The following PKHD1L1 variants were observed in gnomAD, a reference collection of about 807,000 sequenced individuals.
The protein encoded by PKHD1L1 is fibrocystin-L.
Under a neutral mutation model 462.9 loss-of-function variants are expected in PKHD1L1, and 434 were observed. The ratio of observed to expected loss-of-function variants is 0.94; its 90% CI spans 0.87 to 1.02. The LOEUF is 1.02. Among genes scored for constraint, PKHD1L1 ranks in the 50% least tolerant of loss-of-function variants. The probability of loss-of-function intolerance (pLI) is 0.00; values close to 1 mark genes in which losing one functional copy is unlikely to be tolerated. For missense variants in PKHD1L1, 5,202 were observed against 5,096.1 expected (o/e 1.02, Z -0.63); for synonymous variants, 1,781 against 1,750.0 (o/e 1.02, Z -0.44).
In PKHD1L1 at chr8:109,439,033, G is replaced by T; in HGVS notation, c.3897G>T (p.Leu1299Phe). Residue 1299 changes from leucine (L) to phenylalanine (F), a missense_variant, in exon 32 of 78, where the codon TTG (leucine) becomes TTT (phenylalanine). This residue lies in a region of PKHD1L1 where 4,497 missense variants were observed against 4,336.8 expected (regional missense o/e 1.04). Coordinates refer to ENST00000378402, the MANE Select transcript of PKHD1L1 (RefSeq NM_177531.6). ...ATATTAGATGCCTTTTGCCCAAGTT[G>T]TCTCCTGGAAAACATGATATCTATG... ...FTDIRCLLPK[L>F]SPGKHDIYVE... 5 of 1,613,614 alleles carry T rather than the reference G, an allele frequency of 3.1e-6. No individual in the cohort carries two copies. Among genetic ancestry groups the T allele is most frequent in the Non-Finnish European group, 4.2e-6 (5 of 1,179,658 alleles).
chr8:109,489,231 C>T (rs1818705170), intron 59 of PKHD1L1, among the ~76,000 whole-genome samples: 1 of 151,880 alleles, frequency 6.6e-6, no homozygotes, highest in Non-Finnish European at 1.5e-5. Flanking sequence ...AAATAATATT[C>T]TCTTTTGTTA....
chr8:109,398,845 A>G (rs1018474468), intron 12 of PKHD1L1, among the ~76,000 whole-genome samples: 48 of 152,162 alleles, frequency 3.2e-4, no homozygotes, highest in African/African-American at 1.1e-3. Context: ...AATTATGATA[A>G]CTAAAACTTG....
At chr8:109,418,846 C>T (rs2130637176) in intron 21 of PKHD1L1, among the ~76,000 whole-genome samples, 1 of 152,274 alleles carries the variant, frequency 6.6e-6, no homozygotes, top group East Asian at 1.9e-4. Context: ...ATTTTACATT[C>T]CTATGGCTAC....
At chr8:109,417,072 G>A (rs1276652285) in intron 21 of PKHD1L1, among the ~76,000 whole-genome samples, 1 of 152,108 alleles carries the variant, frequency 6.6e-6, no homozygotes, top group Non-Finnish European at 1.5e-5. Context: ...TGGCTGAAGG[G>A]ATGTGGGGAT....
chr8:109,390,430 G>A, intron 8 of PKHD1L1, 22 bp from the exon 9 acceptor site: 1 of 1,345,626 alleles, frequency 7.4e-7, no homozygotes, highest in South Asian at 1.6e-5. Context: ...TTAATTGATT[G>A]TGTATTTTCA....
In PKHD1L1 at chr8:109,444,729, C is replaced by T; in HGVS notation, c.4860C>T (p.Asp1620=). 7 of 1,613,806 alleles carry T rather than the reference C, an allele frequency of 4.3e-6. No homozygotes were observed. Among genetic ancestry groups the T allele is most frequent in the Non-Finnish European group, 5.9e-6 (7 of 1,179,746 alleles). ...AGGATTCAATTACATGTCATATTGA[C>T]CCTCAAAACTCAATGGATGTTGGTA... The part of the protein sequence containing the change: ...SSEDSITCHI[D]PQNSMDVGIR... The change falls in exon 38 of 78, where the codon GAC becomes GAT. Residue 1620 remains aspartate (D), a synonymous_variant. Transcript: ENST00000378402.
chr8:109,457,464 G>A lies in PKHD1L1; in HGVS notation c.7004+1073G>A, dbSNP rs548596778. On this transcript the variant is annotated intron_variant, in intron 46 of 77. Transcript: ENST00000378402. ...AGGGCTATTTAGTTTTCAGAAACAAGAATTAAGGAGTTTCCCACCAAATCT... is the reference window on the plus strand; with the variant it reads ...AGGGCTATTTAGTTTTCAGAAACAAAAATTAAGGAGTTTCCCACCAAATCT... Among the ~76,000 whole-genome samples the A allele has an allele frequency of 8.2e-4, 124 of 152,102 alleles. 2 individuals are homozygous for A. Among genetic ancestry groups the A allele is most frequent in the Non-Finnish European group, 1.6e-3 (110 of 68,000 alleles).
At position 109,400,106 on chromosome 8, in the gene PKHD1L1, AT is replaced by A. The variant is rs1366888049; in HGVS notation, c.1044del (p.Asn348LysfsTer27). On this transcript the variant is annotated frameshift_variant, in exon 13 of 78. Transcript: ENST00000378402. LOFTEE classifies it high-confidence loss of function. ...GGRGLKLEVWNNSRPIRLEEI... is the reference protein window; with the variant it reads ...GGRGLKLEVWXNSRPIRLEEI... ...AGAGGCCTGAAGCTTGAGGTGTGGA[AT>A]AATAGCCGTCCAATACGTTTGGAAG... 1 of 1,613,316 alleles carries A rather than the reference AT, an allele frequency of 6.2e-7. No homozygotes were observed. Among genetic ancestry groups the A allele is most frequent in the African/African-American group, 1.3e-5 (1 of 74,886 alleles).
chr8:109,422,460 T>C (rs569975513), intron 23 of PKHD1L1, among the ~76,000 whole-genome samples: 1 of 152,330 alleles, frequency 6.6e-6, no homozygotes, highest in South Asian at 2.1e-4. Flanking sequence ...TGGAATCAGA[T>C]GTCATATAAT....
intron 17 of PKHD1L1, 53 bp from the exon 18 acceptor site, chr8:109,407,996 A>G: frequency 2.3e-6 from 3 of 1,290,944 alleles, no homozygotes; most frequent in South Asian, 2.0e-5. Context: ...AGTTTTATAT[A>G]TAGGCATTTT....
At chr8:109,463,516 G>A (rs763179116) in intron 48 of PKHD1L1, among the ~76,000 whole-genome samples, 9 of 152,062 alleles carry the variant, frequency 5.9e-5, no homozygotes, top group African/African-American at 1.2e-4. Context: ...AGGAAGTAAC[G>A]TTTTATTTCC....
chr8:109,404,097 A>T (rs1419830920), intron 14 of PKHD1L1, among the ~76,000 whole-genome samples: 1 of 152,166 alleles, frequency 6.6e-6, no homozygotes, highest in East Asian at 1.9e-4. Flanking sequence ...ATGGAGCCAA[A>T]TTTAAGGAAT....
chr8:109,425,040 A>G (rs771465805), intron 23 of PKHD1L1, 45 bp from the exon 24 acceptor site: 1 of 1,424,800 alleles, frequency 7.0e-7, no homozygotes, highest in Non-Finnish European at 9.4e-7. Context: ...CATGTAAGCC[A>G]TTGTTAAGTT....
In PKHD1L1 at chr8:109,445,320, A is replaced by T; in HGVS notation, c.5451A>T (p.Gly1817=). The T allele has an allele frequency of 6.2e-7, 1 of 1,613,910 alleles. No homozygotes were observed. Among genetic ancestry groups the T allele is most frequent in the South Asian group, 1.1e-5 (1 of 91,072 alleles). Residue 1817 remains glycine, a synonymous_variant, in exon 38 of 78, where the codon GGA becomes GGT. Coordinates refer to ENST00000378402, the MANE Select transcript of PKHD1L1 (RefSeq NM_177531.6). ...VGHHSVSVVV[G]SKGLALGNLT... ...ATCATTCTGTTAGTGTTGTGGTGGGAAGTAAAGGCTTGGCTCTGGGAAACC... is the reference window on the plus strand; with the variant it reads ...ATCATTCTGTTAGTGTTGTGGTGGGTAGTAAAGGCTTGGCTCTGGGAAACC...
chr8:109,388,391 T>C (rs1187611526), intron 6 of PKHD1L1, 106 bp from the exon 7 acceptor site: 15 of 779,870 alleles, frequency 1.9e-5, no homozygotes, highest in South Asian at 3.1e-5. Flanking sequence ...TAATAAGTGA[T>C]TGAGAAAAAA....
At chr8:109,386,277 G>A (rs546417314) in intron 6 of PKHD1L1, among the ~76,000 whole-genome samples, 2 of 152,302 alleles carry the variant, frequency 1.3e-5, no homozygotes, top group East Asian at 3.9e-4. Flanking sequence ...CATAGATGGT[G>A]TTATTTCAGT....
intron 6 of PKHD1L1, among the ~76,000 whole-genome samples, chr8:109,386,327 GA>G (rs1373346345): frequency 6.6e-6 from 1 of 152,050 alleles, no homozygotes; most frequent in Non-Finnish European, 1.5e-5. Flanking sequence ...ATTTCCTACA[GA>G]AAAAAGTGTA....
intron 2 of PKHD1L1, among the ~76,000 whole-genome samples, chr8:109,377,642 A>T (rs942151313): frequency 4.6e-5 from 7 of 152,194 alleles, no homozygotes; most frequent in African/African-American, 1.7e-4. Flanking sequence ...TCTGGGCAAA[A>T]GCTGTTTATT....
At chr8:109,525,222 G>A (rs1450959606) in intron 76 of PKHD1L1, among the ~76,000 whole-genome samples, 1 of 152,096 alleles carries the variant, frequency 6.6e-6, no homozygotes, top group Non-Finnish European at 1.5e-5. Flanking sequence ...AGGGTACTTG[G>A]GTAGAGGAGA....
Sources: allele counts gnomAD v4.1 joint callset (sites outside exome capture counted in the v4.1 genomes callset), GRCh38; gene constraint gnomAD v4.1.1; regional missense constraint gnomAD v4.1.1; transcripts MANE v1.5; gene names NCBI Gene and HGNC (gene_info 2026-07-23, HGNC 2026-07-21).